Variants in MAD1L1 observed in about 807,000 individuals in gnomAD.
MAD1L1 encodes the protein mitotic spindle assembly checkpoint protein MAD1.
A neutral mutation model predicts 96.9 loss-of-function variants in MAD1L1; 95 were observed. That is an observed-to-expected ratio of 0.98 (90% confidence interval 0.83 to 1.16). The LOEUF is 1.16. MAD1L1 is among the 50% of genes most tolerant of loss of function. The probability of loss-of-function intolerance (pLI) is 0.00; values close to 1 mark genes in which losing one functional copy is unlikely to be tolerated. For missense variants in MAD1L1, 1,007 were observed against 954.4 expected (o/e 1.06, Z -0.73); for synonymous variants, 473 against 396.6 (o/e 1.19, Z -2.29).
intron 12 of MAD1L1, among the ~76,000 whole-genome samples, chr7:2,064,523 AGCTTCTCCGAAGAGGACAGAG>A (rs1784795469): frequency 6.6e-6 from 1 of 152,268 alleles, no homozygotes. Flanking sequence ...GGAAGAGAGC[AGCTTCTCCGAAGAGGACAGAG>A]GCTTCTCCCC....
intron 14 of MAD1L1, among the ~76,000 whole-genome samples, chr7:1,981,614 G>A (rs573449888): frequency 6.6e-6 from 1 of 152,278 alleles, no homozygotes; most frequent in African/African-American, 2.4e-5. Flanking sequence ...ACTCCGTCAC[G>A]AAGGGAGGAG....
chr7:1,835,765 G>A (rs1289093766), intron 18 of MAD1L1, among the ~76,000 whole-genome samples: 3 of 152,196 alleles, frequency 2.0e-5, no homozygotes, highest in Non-Finnish European at 2.9e-5. Flanking sequence ...GAGCAGTGAC[G>A]TGGGCTGCTC....
At chr7:1,942,075 C>T (rs995769184) in intron 16 of MAD1L1, among the ~76,000 whole-genome samples, 1 of 152,320 alleles carries the variant, frequency 6.6e-6, no homozygotes, top group Non-Finnish European at 1.5e-5. Context: ...TTCGTTCCTG[C>T]CATCCTTCCT....
chr7:1,951,796 T>C (rs1779508965), intron 16 of MAD1L1, among the ~76,000 whole-genome samples: 1 of 152,254 alleles, frequency 6.6e-6, no homozygotes, highest in African/African-American at 2.4e-5. Context: ...GTATCTATCA[T>C]GCTCCACCGT....
rs1562692735 is a variant in MAD1L1 at position 2,106,005 on chromosome 7, C to CCCTGCCCCACACATGGCCCCGAG, written c.1074-36668_1074-36667insCTCGGGGCCATGTGTGGGGCAGG. Among the ~76,000 whole-genome samples the CCCTGCCCCACACATGGCCCCGAG allele has an allele frequency of 2.6e-5, 3 of 115,816 alleles. 1 individual carries two copies. The South Asian group carries it at 1.1e-3, about 41-fold the overall frequency. 76.0% of individuals were successfully genotyped at this position (115,816 alleles called of 152,430 possible). ...GCCCCTGCCCCACATATGGCCCCGC[C>CCCTGCCCCACACATGGCCCCGAG]CCTGCCCCACACATGGCCCCGCCCC... On this transcript the variant is annotated intron_variant, in intron 11 of 18. Transcript: ENST00000265854.
intron 10 of MAD1L1, among the ~76,000 whole-genome samples, chr7:2,202,605 G>A (rs1474397761): frequency 6.6e-6 from 1 of 152,176 alleles, no homozygotes; most frequent in Non-Finnish European, 1.5e-5. Flanking sequence ...TAGCCAGAAG[G>A]CCAAACGCTT....
rs571591734 is a variant in MAD1L1 at position 2,014,589 on chromosome 7, C to T, written c.1272G>A (p.Pro424=). ...GCGTCAGCTGGGGTGAGTACTCGGC[C>T]GGGGTCAGCTCGCTGTCGTAGGACC... The part of the protein sequence containing the change: ...ILGSYDSELT[P]AEYSPQLTRR... Residue 424 remains proline (P), a synonymous_variant, in exon 13 of 19, where the codon CCG becomes CCA. Coordinates refer to ENST00000265854, the MANE Select transcript of MAD1L1 (RefSeq NM_001013836.2). The T allele has an allele frequency of 9.3e-6, 15 of 1,612,424 alleles. No homozygotes were observed. The highest frequency in any genetic ancestry group is 1.7e-4 in the Middle Eastern group (1 of 6,036).
intron 13 of MAD1L1, among the ~76,000 whole-genome samples, chr7:2,004,998 G>A (rs1165711990): frequency 6.6e-6 from 1 of 152,308 alleles, no homozygotes; most frequent in South Asian, 2.1e-4. Flanking sequence ...TCAGACTCGC[G>A]CACTGGTCTC....
chr7:2,075,157 A>G (rs1266724553), intron 11 of MAD1L1, among the ~76,000 whole-genome samples: 1 of 152,156 alleles, frequency 6.6e-6, no homozygotes, highest in African/African-American at 2.4e-5. Context: ...TGAAGACCCG[A>G]GGAAGTGGCA....
intron 11 of MAD1L1, among the ~76,000 whole-genome samples, chr7:2,129,975 G>A (rs1788432630): frequency 6.6e-6 from 1 of 152,238 alleles, no homozygotes; most frequent in Non-Finnish European, 1.5e-5. Context: ...CAGCAGAAGG[G>A]TGAAGAAAAC....
rs1045927275 is a variant in MAD1L1, at chr7:1,985,289, G to A, written c.1417-4748C>T. Among the ~76,000 whole-genome samples, 59 of 152,248 alleles carry A rather than the reference G, an allele frequency of 3.9e-4. 3 individuals carry two copies. Among genetic ancestry groups the A allele is most frequent in the Non-Finnish European group, 1.0e-4 (7 of 68,040 alleles). On this transcript the variant is annotated intron_variant, in intron 14 of 18. Coordinates refer to ENST00000265854, the MANE Select transcript of MAD1L1 (RefSeq NM_001013836.2). Reference sequence around the variant, plus strand: ...TCCTCCCTTGCCTGCCTGGTGGCCTGAGCGGGGCAGCTCCCGTTTTCCGCC... The same window carrying A: ...TCCTCCCTTGCCTGCCTGGTGGCCTAAGCGGGGCAGCTCCCGTTTTCCGCC...
chr7:1,840,508 T>TC (rs1161723503), intron 18 of MAD1L1, among the ~76,000 whole-genome samples: 6 of 152,126 alleles, frequency 3.9e-5, no homozygotes, highest in Non-Finnish European at 7.3e-5. Context: ...GGCAGATGGA[T>TC]CACCTGAGCT....
chr7:1,967,782 C>A (rs564382336), intron 15 of MAD1L1, among the ~76,000 whole-genome samples: 4 of 152,212 alleles, frequency 2.6e-5, no homozygotes, highest in Non-Finnish European at 5.9e-5. Flanking sequence ...GATCACGCAG[C>A]GAAACAAGTC....
intron 12 of MAD1L1, among the ~76,000 whole-genome samples, chr7:2,047,110 C>G (rs1176471931): frequency 6.6e-6 from 1 of 152,208 alleles, no homozygotes; most frequent in Non-Finnish European, 1.5e-5. Context: ...CTAAGGCCCT[C>G]CCTTCCCAGA....
At chr7:1,924,112 T>C (rs941024800) in intron 17 of MAD1L1, among the ~76,000 whole-genome samples, 4 of 152,224 alleles carry the variant, frequency 2.6e-5, no homozygotes, top group Admixed American at 2.6e-4. Context: ...GGCGCCAAGA[T>C]GACGGAGATG....
chr7:2,124,383 G>A (rs1434109580), intron 11 of MAD1L1, among the ~76,000 whole-genome samples: 3 of 152,252 alleles, frequency 2.0e-5, no homozygotes, highest in South Asian at 2.1e-4. Flanking sequence ...AGAGCCCAAC[G>A]TGCCGAAAGG....
intron 18 of MAD1L1, among the ~76,000 whole-genome samples, chr7:1,873,011 G>C (rs1178833885): frequency 6.6e-6 from 1 of 152,244 alleles, no homozygotes; most frequent in Non-Finnish European, 1.5e-5. Flanking sequence ...TTTATCCCCA[G>C]GTGAGAAACG....
At chr7:2,154,252 G>A (rs1220163655) in intron 10 of MAD1L1, among the ~76,000 whole-genome samples, 1 of 152,214 alleles carries the variant, frequency 6.6e-6, no homozygotes, top group Non-Finnish European at 1.5e-5. Flanking sequence ...GAAAGAAACT[G>A]CACGTCTTCA....
intron 14 of MAD1L1, among the ~76,000 whole-genome samples, chr7:1,994,864 G>C (rs1050977161): frequency 1.3e-5 from 2 of 152,206 alleles, no homozygotes; most frequent in Non-Finnish European, 2.9e-5. Flanking sequence ...TTTTTAAACA[G>C]AGACGAGGTC....
Sources: allele counts gnomAD v4.1 joint callset (sites outside exome capture counted in the v4.1 genomes callset), GRCh38; gene constraint gnomAD v4.1.1; transcripts MANE v1.5; gene names NCBI Gene and HGNC (gene_info 2026-07-23, HGNC 2026-07-21).